Variants in CACNA2D3 observed in about 807,000 individuals in gnomAD.
CACNA2D3 encodes calcium voltage-gated channel auxiliary subunit alpha2delta 3.
CACNA2D3 carries 60 observed loss-of-function variants against 160.6 expected under a neutral mutation model. The observed-to-expected ratio is 0.37, with a 90% CI of 0.30 to 0.46. CACNA2D3 has a LOEUF of 0.46. Ranked by LOEUF, CACNA2D3 falls within the 20% of genes least tolerant of loss-of-function variation. The probability of loss-of-function intolerance (pLI) is 1.00; values close to 1 mark genes in which losing one functional copy is unlikely to be tolerated. For synonymous variants in CACNA2D3, 558 were observed against 492.9 expected, an observed-to-expected ratio of 1.13 and a Z score of -1.75; for missense variants, 1,205 against 1,365.0, an observed-to-expected ratio of 0.88 and a Z score of 1.85.
At chr3:54,554,209 C>T (rs1465645741) in intron 5 of CACNA2D3, among the ~76,000 whole-genome samples, 1 of 152,164 alleles carries the variant, frequency 6.6e-6, no homozygotes, top group Non-Finnish European at 1.5e-5. Context: ...GGTAAACCCC[C>T]TCCCCACTTT....
At chr3:54,518,283 T>G (rs6445679) in intron 5 of CACNA2D3, among the ~76,000 whole-genome samples, 151,380 of 152,222 alleles carry the variant, frequency 0.99, 75,274 homozygotes, top group Middle Eastern at 1. Flanking sequence ...TAAGGCCTGA[T>G]ACCCCTACAG....
chr3:54,999,194 A>G (rs1052578955), intron 31 of CACNA2D3, among the ~76,000 whole-genome samples: 8 of 152,184 alleles, frequency 5.3e-5, no homozygotes, highest in African/African-American at 1.7e-4. Context: ...GTGGGATGAG[A>G]TGATGACTGA....
chr3:54,920,830 C>T (rs1393346902), intron 27 of CACNA2D3, among the ~76,000 whole-genome samples: 1 of 152,128 alleles, frequency 6.6e-6, no homozygotes, highest in African/African-American at 2.4e-5. Context: ...GGTGGTTTAC[C>T]CAATCACCCC....
intron 3 of CACNA2D3, among the ~76,000 whole-genome samples, chr3:54,384,240 A>C (rs1414204364): frequency 6.6e-6 from 1 of 152,202 alleles, no homozygotes; most frequent in Non-Finnish European, 1.5e-5. Context: ...CGTAGACACC[A>C]TCAAAAATCC....
chr3:54,426,943 C>A (rs868499305), intron 4 of CACNA2D3, among the ~76,000 whole-genome samples: 1 of 152,082 alleles, frequency 6.6e-6, no homozygotes, highest in African/African-American at 2.4e-5. Flanking sequence ...CTGTTTCTAC[C>A]TTTGTGTCTT....
chr3:54,871,749 G>A lies in CACNA2D3; in HGVS notation c.1710+127G>A, dbSNP rs114355476. ...GACACCTGGCTACCAGAGGGACGTG[G>A]AGACAAGGGGCCTTTGTACCATGTG... On this transcript the variant is annotated intron_variant, in intron 18 of 37. Coordinates refer to ENST00000474759, the MANE Select transcript of CACNA2D3 (RefSeq NM_018398.3). 6.4e-3 allele frequency: 4,321 copies of A among 680,100 alleles called. 47 individuals are homozygous for A. Among genetic ancestry groups the A allele is most frequent in the African/African-American group, 0.037 (2,046 of 55,852 alleles). 42.1% of individuals were successfully genotyped at this position (680,100 alleles called of 1,614,324 possible). A position where few individuals can be genotyped will look rare whatever the true frequency, so the allele number is the denominator to read the frequency against.
At chr3:54,566,241 C>G (rs913578562) in intron 6 of CACNA2D3, among the ~76,000 whole-genome samples, 1 of 152,196 alleles carries the variant, frequency 6.6e-6, no homozygotes, top group African/African-American at 2.4e-5. Flanking sequence ...TTCCTAGTAC[C>G]TGCCCTTTCC....
At chr3:54,852,592 C>A (rs187739329) in intron 17 of CACNA2D3, among the ~76,000 whole-genome samples, 2 of 152,286 alleles carry the variant, frequency 1.3e-5, no homozygotes, top group Admixed American at 6.5e-5. Flanking sequence ...ACTGTCCTTG[C>A]CCCATTCCAA....
chr3:54,960,238 G>A (rs1389071549), intron 27 of CACNA2D3, among the ~76,000 whole-genome samples: 1 of 152,148 alleles, frequency 6.6e-6, no homozygotes, highest in African/African-American at 2.4e-5. Flanking sequence ...CTGCGGCCTT[G>A]TCAATGGTGT....
chr3:54,972,701 A>T (rs895029333), intron 29 of CACNA2D3, among the ~76,000 whole-genome samples: 5 of 152,122 alleles, frequency 3.3e-5, no homozygotes, highest in African/African-American at 1.2e-4. Context: ...TGGTAGGTGG[A>T]GCCAGTGTGC....
At chr3:54,554,379 A>G (rs1702206732) in intron 5 of CACNA2D3, among the ~76,000 whole-genome samples, 1 of 152,238 alleles carries the variant, frequency 6.6e-6, no homozygotes, top group Non-Finnish European at 1.5e-5. Flanking sequence ...GTACTCAATC[A>G]ATATTTGTCG....
At chr3:54,521,150 A>G (rs1575501376) in intron 5 of CACNA2D3, among the ~76,000 whole-genome samples, 1 of 152,206 alleles carries the variant, frequency 6.6e-6, no homozygotes, top group South Asian at 2.1e-4. Flanking sequence ...ATCAAATTGT[A>G]ACTCTGTGTT....
At chr3:54,801,581 C>T (rs1046249057) in intron 13 of CACNA2D3, among the ~76,000 whole-genome samples, 10 of 152,012 alleles carry the variant, frequency 6.6e-5, no homozygotes, top group African/African-American at 2.4e-4. Context: ...ATTTAAATAT[C>T]ATAAAGTGAT....
Position 54,400,228 on chromosome 3 carries a change from C to T in CACNA2D3, c.381+13454C>T, listed in dbSNP as rs537899891. On this transcript the variant is annotated intron_variant, in intron 4 of 37. Transcript: ENST00000474759. ...ACTCCCTAGTGAGATGAACCCGGTA[C>T]CTCAGATGGAAATGCAGAAATCACC... 2.0e-3 allele frequency among the ~76,000 whole-genome samples: 294 copies of T among 150,334 alleles called. 9 individuals are homozygous for T. The South Asian group carries it at 0.062, about 32-fold the overall frequency.
chr3:54,913,095 G>T (rs143579829), intron 27 of CACNA2D3, among the ~76,000 whole-genome samples: 1 of 152,070 alleles, frequency 6.6e-6, no homozygotes, highest in Non-Finnish European at 1.5e-5. Flanking sequence ...GTTTTGTGTT[G>T]TTTTTTTGAG....
chr3:55,072,091 A>G (rs1479291208), intron 35 of CACNA2D3, among the ~76,000 whole-genome samples: 1 of 152,240 alleles, frequency 6.6e-6, no homozygotes, highest in African/African-American at 2.4e-5. Flanking sequence ...ACAGATATAG[A>G]TGAAATTAAT....
intron 9 of CACNA2D3, among the ~76,000 whole-genome samples, chr3:54,605,077 G>A (rs1035651647): frequency 1.2e-4 from 19 of 152,162 alleles, no homozygotes; most frequent in Admixed American, 1.1e-3. Flanking sequence ...AATCTTTGGT[G>A]TTCTCTGGCT....
At chr3:55,044,575 A>G (rs921437196) in intron 35 of CACNA2D3, among the ~76,000 whole-genome samples, 5 of 151,814 alleles carry the variant, frequency 3.3e-5, no homozygotes, top group African/African-American at 9.7e-5. Flanking sequence ...TCCAATCTGT[A>G]TGCCTTTTGT....
intron 35 of CACNA2D3, among the ~76,000 whole-genome samples, chr3:55,021,955 G>A (rs1703466163): frequency 6.6e-6 from 1 of 151,930 alleles, no homozygotes; most frequent in East Asian, 1.9e-4. Context: ...GTTTTTGAAA[G>A]CAAGTTACAT....
Sources: allele counts gnomAD v4.1 joint callset (sites outside exome capture counted in the v4.1 genomes callset), GRCh38; gene constraint gnomAD v4.1.1; transcripts MANE v1.5; gene names NCBI Gene and HGNC (gene_info 2026-07-23, HGNC 2026-07-21).